The following EBF3 variants were observed in gnomAD, a reference collection of about 807,000 sequenced individuals.
The protein encoded by EBF3 is transcription factor COE3.
EBF3 carries 18 observed loss-of-function variants against 77.1 expected under a neutral mutation model. That is an observed-to-expected ratio of 0.23 (90% confidence interval 0.16 to 0.35). The LOEUF (loss-of-function observed/expected upper bound fraction) is 0.35. EBF3 is among the 10% of genes least tolerant of loss of function. The probability of loss-of-function intolerance (pLI) is 1.00; values close to 1 mark genes in which losing one functional copy is unlikely to be tolerated. For synonymous variants in EBF3, 350 were observed against 343.5 expected (o/e 1.02, Z -0.21); for missense variants, 558 against 860.0 (o/e 0.65, Z 4.39).
chr10:129,838,244 T>C (rs1208102259), intron 16 of EBF3, among the ~76,000 whole-genome samples: 6 of 152,260 alleles, frequency 3.9e-5, no homozygotes, highest in Non-Finnish European at 7.3e-5. Context: ...CTGGCACTGC[T>C]GTGTGCAGAG....
At chr10:129,954,617 G>A (rs986385001) in intron 6 of EBF3, among the ~76,000 whole-genome samples, 8 of 152,108 alleles carry the variant, frequency 5.3e-5, no homozygotes, top group African/African-American at 1.9e-4. Flanking sequence ...GGAGAGGCTC[G>A]GTGTGGGTTG....
chr10:129,937,411 T>C (rs929211930), intron 6 of EBF3, among the ~76,000 whole-genome samples: 17 of 151,912 alleles, frequency 1.1e-4, no homozygotes, highest in Non-Finnish European at 2.5e-4. Flanking sequence ...GGACCTCAGG[T>C]GGGAAAGGCT....
intron 6 of EBF3, among the ~76,000 whole-genome samples, chr10:129,933,064 G>A (rs762122411): frequency 4.8e-4 from 73 of 152,156 alleles, no homozygotes; most frequent in Admixed American, 1.5e-3. Flanking sequence ...GAGAAAGTGC[G>A]GGCGGCAGTG....
intron 6 of EBF3, among the ~76,000 whole-genome samples, chr10:129,915,984 G>C (rs548781773): frequency 6.6e-6 from 1 of 152,256 alleles, no homozygotes; most frequent in South Asian, 2.1e-4. Context: ...TGCAGAATAA[G>C]GAAAAAGCAT....
Position 129,843,142 on chromosome 10 carries a change from T to G in EBF3, c.1189A>C (p.Asn397His), listed in dbSNP as rs925468131. 1.2e-5 allele frequency: 19 copies of G among 1,613,168 alleles called. No individual in the cohort carries two copies. The highest frequency in any genetic ancestry group is 1.5e-5 in the Non-Finnish European group (18 of 1,179,472). The change falls in exon 12 of 17, where the codon AAC (asparagine) becomes CAC (histidine). Residue 397 changes from asparagine (N) to histidine (H), a missense_variant. Physicochemically the swap from Asn to His is moderately conservative, Grantham distance 68. Transcript: ENST00000440978. ...GGGAGCCGCCCTCCACCTACCTGGT[T>G]GTTGTGAGGCATTCCGTATAAGGCT... Reference protein sequence around the residue: ...VEALYGMPHNNQEIILKRAAD... With the variant: ...VEALYGMPHNHQEIILKRAAD...
intron 6 of EBF3, among the ~76,000 whole-genome samples, chr10:129,918,433 T>C (rs903232179): frequency 5.3e-5 from 8 of 152,128 alleles, no homozygotes; most frequent in African/African-American, 1.9e-4. Context: ...AAAAATTAGA[T>C]CTGGAGGAAG....
At chr10:129,961,589 C>G (rs866117016) in intron 4 of EBF3, among the ~76,000 whole-genome samples, 2 of 152,222 alleles carry the variant, frequency 1.3e-5, no homozygotes, top group Middle Eastern at 6.8e-3. Context: ...GAGCAGTGGA[C>G]GGGTTGGAGT....
rs565770499 is a variant in EBF3, at chr10:129,948,032, G to T, written c.554+9226C>A. Reference sequence around the variant, plus strand: ...AGCACTTTGGGAGGCCGAGGCAGGTGGATGACCTGAGGTCAGGAGTTCGAG... The same window carrying T: ...AGCACTTTGGGAGGCCGAGGCAGGTTGATGACCTGAGGTCAGGAGTTCGAG... On this transcript the variant is annotated intron_variant, in intron 6 of 16. Transcript: ENST00000440978. 5.3e-5 allele frequency among the ~76,000 whole-genome samples: 8 copies of T among 152,182 alleles called. No homozygotes were observed. In the South Asian group the frequency reaches 1.2e-3, roughly 24 times the overall value.
In EBF3 at chr10:129,963,829, C is replaced by G; in HGVS notation, c.-61G>C. ...AAGCGTTTCCTCGAGCAGCGGCGCT[C>G]GGGGCTTGGCGGCAGGCGGCTGCCC... On this transcript the variant is annotated 5_prime_UTR_variant, in exon 1 of 17. Coordinates refer to ENST00000440978, the MANE Select transcript of EBF3 (RefSeq NM_001375380.1). The surrounding 1 kb of genome is among the most constrained non-coding windows in gnomAD (Gnocchi z 7.1). 1 of 1,457,350 alleles carries G rather than the reference C, an allele frequency of 6.9e-7. No individual in the cohort carries two copies. Among genetic ancestry groups the G allele is most frequent in the Non-Finnish European group, 9.2e-7 (1 of 1,091,942 alleles). The allele number at this position is 1,457,350 out of a possible 1,614,324, so 90.3% of individuals were successfully genotyped here. A position where few individuals can be genotyped will look rare whatever the true frequency, so the allele number is the denominator to read the frequency against.
chr10:129,838,886 G>A (rs955132135), intron 16 of EBF3, among the ~76,000 whole-genome samples, 197 bp downstream of exon 16: 10 of 152,208 alleles, frequency 6.6e-5, no homozygotes, highest in East Asian at 5.8e-4. Context: ...TACACACCGC[G>A]TAGGAGGTGC....
chr10:129,873,461 G>C lies in EBF3; in HGVS notation c.772C>G (p.Leu258Val). 1 of 1,534,774 alleles carries C rather than the reference G, an allele frequency of 6.5e-7. No homozygotes were observed. Among genetic ancestry groups the C allele is most frequent in the Non-Finnish European group, 8.8e-7 (1 of 1,139,906 alleles). Residue 258 changes from leucine to valine, a missense_variant, in exon 8 of 17, where the codon CTG (leucine) becomes GTG (valine). Leu to Val is a conservative substitution (Grantham distance 32). This residue lies in a region of EBF3 where 112 missense variants were observed against 207.7 expected (regional missense o/e 0.54). Transcript: ENST00000440978. ...DPSEGTAPSYLENATPCIKAI... is the reference protein window; with the variant it reads ...DPSEGTAPSYVENATPCIKAI... ...TGTAACATGTGCCTACCATTTTCCA[G>C]ATAAGAAGGGGCCGTACCTTCTGAC...
At position 129,864,223 on chromosome 10, in the gene EBF3, C is replaced by T. The variant is rs2134059777; in HGVS notation, c.1039+2918G>A. Among the ~76,000 whole-genome samples, 1 of 152,232 alleles carries T rather than the reference C, an allele frequency of 6.6e-6. No individual in the cohort carries two copies. ...GGAACAGGCTACAGACAGGAGAGAG[C>T]TGCCCCCTCCCTGCACCAGCCCCAG... On this transcript the variant is annotated intron_variant, in intron 10 of 16. Coordinates refer to ENST00000440978, the MANE Select transcript of EBF3 (RefSeq NM_001375380.1). The surrounding 1 kb of genome is among the most constrained non-coding windows in gnomAD (Gnocchi z 4.4).
At chr10:129,881,853 A>G (rs1178036466) in intron 6 of EBF3, among the ~76,000 whole-genome samples, 1 of 152,200 alleles carries the variant, frequency 6.6e-6, no homozygotes, top group Non-Finnish European at 1.5e-5. Flanking sequence ...TGCTGGGACA[A>G]TGACTCATCT....
intron 10 of EBF3, among the ~76,000 whole-genome samples, chr10:129,853,496 G>A (rs924407765): frequency 2.0e-5 from 3 of 152,144 alleles, no homozygotes; most frequent in Non-Finnish European, 4.4e-5. Flanking sequence ...ACAGATCCTC[G>A]TAATGAGGCA....
chr10:129,937,675 G>A (rs1419987595), intron 6 of EBF3, among the ~76,000 whole-genome samples: 9 of 151,968 alleles, frequency 5.9e-5, no homozygotes, highest in African/African-American at 1.4e-4. Flanking sequence ...CACCGCTGGG[G>A]ACTGCAGGTC....
At position 129,944,395 on chromosome 10, in the gene EBF3, A is replaced by G. The variant is rs1365437366; in HGVS notation, c.554+12863T>C. Among the ~76,000 whole-genome samples the G allele has an allele frequency of 3.3e-5, 5 of 152,230 alleles. No individual in the cohort carries two copies. Among genetic ancestry groups the G allele is most frequent in the Non-Finnish European group, 7.3e-5 (5 of 68,044 alleles). ...GAGCCTTGATGTTAAATAGGGATCA[A>G]TACCGCTGGGCTGCAGATGAGATCT... On this transcript the variant is annotated intron_variant, in intron 6 of 16. Transcript: ENST00000440978. This position sits in a 1 kb window ranked among gnomAD's most constrained non-coding sequence, Gnocchi z 5.1.
chr10:129,921,162 G>A (rs1856271213), intron 6 of EBF3, among the ~76,000 whole-genome samples: 1 of 152,178 alleles, frequency 6.6e-6, no homozygotes, highest in Non-Finnish European at 1.5e-5. Flanking sequence ...TCTGGAAAAA[G>A]AAATCACTTT....
chr10:129,963,260 C>G lies in EBF3; in HGVS notation c.291+107G>C, dbSNP rs1383065777. The G allele has an allele frequency of 1.4e-6, 2 of 1,452,640 alleles. No individual in the cohort carries two copies. Among genetic ancestry groups the G allele is most frequent in the Non-Finnish European group, 1.8e-6 (2 of 1,101,476 alleles). The allele number at this position is 1,452,640 out of a possible 1,614,324, so 90.0% of individuals were successfully genotyped here. On this transcript the variant is annotated intron_variant, in intron 2 of 16. Transcript: ENST00000440978. The surrounding 1 kb of genome is among the most constrained non-coding windows in gnomAD (Gnocchi z 7.1). Reference sequence around the variant, plus strand: ...ACGTGGCGGCGGCGGGGTGGCCTGGCGGAGCCGAGCCCGCCGCCTAGGGGG... The same window carrying G: ...ACGTGGCGGCGGCGGGGTGGCCTGGGGGAGCCGAGCCCGCCGCCTAGGGGG...
At chr10:129,886,205 G>A (rs1190991043) in intron 6 of EBF3, among the ~76,000 whole-genome samples, 1 of 152,146 alleles carries the variant, frequency 6.6e-6, no homozygotes, top group African/African-American at 2.4e-5. Context: ...TTTAAATCAA[G>A]CCTGTGCATG....
Sources: allele counts gnomAD v4.1 joint callset (sites outside exome capture counted in the v4.1 genomes callset), GRCh38; gene constraint gnomAD v4.1.1; regional missense constraint gnomAD v4.1.1; non-coding constraint Gnocchi (gnomAD v3.1); transcripts MANE v1.5; gene names NCBI Gene and HGNC (gene_info 2026-07-23, HGNC 2026-07-21).